Variants in CCDC3 observed in about 807,000 individuals in gnomAD.
The protein encoded by CCDC3 is coiled-coil domain-containing protein 3.
A neutral mutation model predicts 21.4 loss-of-function variants in CCDC3; 24 were observed. The observed-to-expected ratio is 1.12, with a 90% CI of 0.81 to 1.58. The LOEUF (loss-of-function observed/expected upper bound fraction) is 1.58. CCDC3 is among the 40% of genes most tolerant of loss of function. The pLI, the probability that CCDC3 is intolerant of heterozygous loss-of-function variation, is 0.00. For missense variants in CCDC3, 425 were observed against 360.9 expected (o/e 1.18, Z -1.44); for synonymous variants, 186 against 166.0 (o/e 1.12, Z -0.93).
At position 12,897,282 on chromosome 10, in the gene CCDC3, T is replaced by C. The variant is rs896445265; in HGVS notation, c.*1134A>G. 1 of 152,260 alleles carries C rather than the reference T, an allele frequency of 6.6e-6. No individual in the cohort carries two copies. Among genetic ancestry groups the C allele is most frequent in the African/African-American group, 2.4e-5 (1 of 41,468 alleles). The allele number at this position is 152,260 out of a possible 1,614,324, so 9.4% of individuals were successfully genotyped here. On this transcript the variant is annotated 3_prime_UTR_variant, in exon 3 of 3. Coordinates refer to ENST00000378825, the MANE Select transcript of CCDC3 (RefSeq NM_031455.4). ...GTGCCTGAGCAATAAGTCTAGTGAA[T>C]ACTCTCATTTTTACTTATAGTAGTG...
chr10:12,961,344 T>G (rs941654408), intron 2 of CCDC3, among the ~76,000 whole-genome samples: 18 of 152,210 alleles, frequency 1.2e-4, no homozygotes, highest in African/African-American at 4.3e-4. Flanking sequence ...CAAAAATATG[T>G]CAGGAAGGAA....
chr10:13,066,996 G>T (rs945714994), intron 4 of CCDC3, among the ~76,000 whole-genome samples: 3 of 152,168 alleles, frequency 2.0e-5, no homozygotes, highest in African/African-American at 7.2e-5. Context: ...GCAAAATTCT[G>T]CAACATTTTG....
At chr10:12,924,946 C>T (rs1023496429) in intron 2 of CCDC3, among the ~76,000 whole-genome samples, 2 of 152,168 alleles carry the variant, frequency 1.3e-5, no homozygotes, top group Non-Finnish European at 1.5e-5. Flanking sequence ...AGACTTGCAG[C>T]TGTGTAAAGT....
At position 13,064,379 on chromosome 10, in the gene CCDC3, A is replaced by G. The variant is rs150466649; in HGVS notation, c.-270+9489T>C. Among the ~76,000 whole-genome samples the G allele has an allele frequency of 3.2e-3, 488 of 152,334 alleles. 3 individuals are homozygous for G. The highest frequency in any genetic ancestry group is 0.011 in the African/African-American group (463 of 41,560). ...TTGGTCTTCACGAAATAAATTACATAAAATTTCTTTCATGTGTGAACCCTG... is the reference window on the plus strand; with the variant it reads ...TTGGTCTTCACGAAATAAATTACATGAAATTTCTTTCATGTGTGAACCCTG... On this transcript the variant is annotated intron_variant, in intron 4 of 6. Transcript: ENST00000378839.
intron 4 of CCDC3, among the ~76,000 whole-genome samples, chr10:13,063,912 G>GT (rs370975916): frequency 0.016 from 2,401 of 150,714 alleles, 67 homozygotes; most frequent in South Asian, 0.089. Flanking sequence ...AGTGTGAGTC[G>GT]TTTTTTTTTG....
chr10:13,086,978 T>C (rs1263138323), intron 3 of CCDC3, among the ~76,000 whole-genome samples: 1 of 152,220 alleles, frequency 6.6e-6, no homozygotes, highest in East Asian at 1.9e-4. Flanking sequence ...CACACACCTG[T>C]TGCAGCCTCA....
chr10:13,073,905 G>A (rs1188433198), exon 4 of CCDC3: 1 of 151,996 alleles, frequency 6.6e-6, no homozygotes, highest in Non-Finnish European at 1.5e-5. Flanking sequence ...ACAGTAGGAA[G>A]TATCCTCTCT....
chr10:12,935,688 C>T (rs1450188306), intron 2 of CCDC3, among the ~76,000 whole-genome samples: 29 of 145,270 alleles, frequency 2.0e-4, no homozygotes, highest in Middle Eastern at 3.6e-3. Context: ...TTTTTTGAGA[C>T]GGAGTCTTGC....
At chr10:13,080,219 G>A (rs531933957) in intron 3 of CCDC3, among the ~76,000 whole-genome samples, 39 of 152,196 alleles carry the variant, frequency 2.6e-4, no homozygotes, top group Middle Eastern at 3.4e-3. Context: ...GAGCGAGAGC[G>A]AGCAAATGAA....
intron 2 of CCDC3, among the ~76,000 whole-genome samples, chr10:12,938,046 C>T (rs1834767625): frequency 6.6e-6 from 1 of 152,176 alleles, no homozygotes; most frequent in Admixed American, 6.5e-5. Flanking sequence ...CAAACATCTT[C>T]AACCCACATG....
intron 2 of CCDC3, among the ~76,000 whole-genome samples, chr10:12,950,128 C>T (rs1254313845): frequency 1.3e-5 from 2 of 152,210 alleles, no homozygotes; most frequent in Admixed American, 6.5e-5. Context: ...TGTTCTCTCT[C>T]CTTGTAAAAG....
rs112510092 is a variant in CCDC3, at chr10:13,048,378, G to C, written c.-2+1296C>G. 6.0e-3 allele frequency among the ~76,000 whole-genome samples: 914 copies of C among 152,120 alleles called. 12 individuals are homozygous for C. Among genetic ancestry groups the C allele is most frequent in the African/African-American group, 0.02 (836 of 41,498 alleles). On this transcript the variant is annotated intron_variant, in intron 5 of 6. Transcript: ENST00000378839. ...GGCTAATTTTTTTGTATTTTTACTA[G>C]AGACGGGGTTTCACCATGTTGGCCA...
At position 12,898,437 on chromosome 10, in the gene CCDC3, G is replaced by A. The variant is rs767973179; in HGVS notation, c.792C>T (p.Arg264=). 6 of 1,604,730 alleles carry A rather than the reference G, an allele frequency of 3.7e-6. No homozygotes were observed. In the South Asian group the frequency reaches 5.5e-5, roughly 15 times the overall value. Residue 264 remains arginine (R), a synonymous_variant, in exon 3 of 3, where the codon CGC becomes CGT. Coordinates refer to ENST00000378825, the MANE Select transcript of CCDC3 (RefSeq NM_031455.4). ...LPHINARGPV[R]PPYLRG ...CCCGTTACCCCCGCAGGTAGGGGGG[G>A]CGCACGGGCCCCCGGGCATTGATGT...
At chr10:12,935,609 ACT>A (rs932165743) in intron 2 of CCDC3, among the ~76,000 whole-genome samples, 1 of 151,436 alleles carries the variant, frequency 6.6e-6, no homozygotes, top group African/African-American at 2.4e-5. Context: ...TATAACTTCA[ACT>A]CTTTTTTATT....
intron 2 of CCDC3, among the ~76,000 whole-genome samples, chr10:12,934,439 A>C (rs1264853161): frequency 1.3e-5 from 2 of 152,168 alleles, no homozygotes; most frequent in Non-Finnish European, 2.9e-5. Flanking sequence ...TGGATGAAGG[A>C]GTATGTAAGT....
intron 5 of CCDC3, among the ~76,000 whole-genome samples, chr10:13,040,256 C>G (rs570882785): frequency 2.6e-5 from 4 of 152,204 alleles, no homozygotes; most frequent in African/African-American, 9.6e-5. Flanking sequence ...TGTGTCAACC[C>G]AGATTTGCAA....
intron 4 of CCDC3, among the ~76,000 whole-genome samples, chr10:13,072,465 C>A (rs11258171): frequency 0.015 from 2,256 of 152,338 alleles, 61 homozygotes; most frequent in South Asian, 0.093. Flanking sequence ...CTCCGACCCA[C>A]CCCACAAGTG....
At chr10:13,033,538 A>T (rs1175165579) in intron 5 of CCDC3, among the ~76,000 whole-genome samples, 3 of 152,182 alleles carry the variant, frequency 2.0e-5, no homozygotes, top group African/African-American at 7.2e-5. Flanking sequence ...AGAAACTACC[A>T]TCAGAGTGAA....
At chr10:12,971,565 G>A (rs971328971) in intron 2 of CCDC3, among the ~76,000 whole-genome samples, 2 of 152,170 alleles carry the variant, frequency 1.3e-5, no homozygotes, top group African/African-American at 4.8e-5. Context: ...CAGCCTCTGT[G>A]CCTGGGTCCC....
Sources: allele counts gnomAD v4.1 joint callset (sites outside exome capture counted in the v4.1 genomes callset), GRCh38; gene constraint gnomAD v4.1.1; transcripts MANE v1.5; gene names NCBI Gene and HGNC (gene_info 2026-07-23, HGNC 2026-07-21).